Variants in TMEM8B observed in about 807,000 individuals in gnomAD.
TMEM8B encodes transmembrane protein 8B, also known as nasopharyngeal carcinoma expressed 6.
A neutral mutation model predicts 49.3 loss-of-function variants in TMEM8B; 29 were observed. The observed-to-expected ratio is 0.59, with a 90% CI of 0.44 to 0.80. TMEM8B has a LOEUF of 0.80. Among genes scored for constraint, TMEM8B ranks in the 30% least tolerant of loss-of-function variants. The probability of loss-of-function intolerance (pLI) is 0.00; values close to 1 mark genes in which losing one functional copy is unlikely to be tolerated. For synonymous variants in TMEM8B, 264 were observed against 272.8 expected, an observed-to-expected ratio of 0.97 and a Z score of 0.32; for missense variants, 575 against 658.5, an observed-to-expected ratio of 0.87 and a Z score of 1.39.
At chr9:35,849,943 G>C (rs1005036131) in intron 10 of TMEM8B, among the ~76,000 whole-genome samples, 1 of 152,214 alleles carries the variant, frequency 6.6e-6, no homozygotes, top group Non-Finnish European at 1.5e-5. Context: ...GACAGAGCTG[G>C]CATTCTGGGG....
At position 35,842,494 on chromosome 9, in the gene TMEM8B, T is replaced by C. The variant is rs138973974; in HGVS notation, c.1412T>C (p.Leu471Pro). 769 of 1,608,170 alleles carry C rather than the reference T, an allele frequency of 4.8e-4. No homozygotes were observed. The highest frequency in any genetic ancestry group is 6.0e-4 in the Non-Finnish European group (710 of 1,176,064). Reference protein sequence around the residue: ...NQPLPPEPPSLGTPAEGPGTT... With the variant: ...NQPLPPEPPSPGTPAEGPGTT... ...CCACTGCCCCCAGAACCGCCATCCC[T>C]TGGAACCCCTGCGGAGGGGCCTGGG... Residue 471 changes from leucine (L) to proline (P), a missense_variant, in exon 6 of 13, where the codon CTT (leucine) becomes CCT (proline). Transcript: ENST00000643932. The surrounding 1 kb of genome is among the most constrained non-coding windows in gnomAD (Gnocchi z 5.6).
At position 35,855,271 on chromosome 9, in the gene TMEM8B, C is replaced by T. The variant is rs1832477933; in HGVS notation, c.*1431C>T. 1 of 152,212 alleles carries T rather than the reference C, an allele frequency of 6.6e-6. No homozygotes were observed. The highest frequency in any genetic ancestry group is 1.5e-5 in the Non-Finnish European group (1 of 68,050). The allele number at this position is 152,212 out of a possible 1,614,324, so 9.4% of individuals were successfully genotyped here. The stretch of plus-strand genomic sequence containing the variant: ...ATCTATCTTGGCCTGGGGTGTGGAG[C>T]TCAGGGACTCTTCCTTTTGGGACCC... On this transcript the variant is annotated 3_prime_UTR_variant, in exon 13 of 13. Coordinates refer to ENST00000643932, the MANE Select transcript of TMEM8B (RefSeq NM_001042590.4).
At chr9:35,837,323 A>G (rs1830532014) in intron 3 of TMEM8B, among the ~76,000 whole-genome samples, 1 of 152,108 alleles carries the variant, frequency 6.6e-6, no homozygotes, top group Non-Finnish European at 1.5e-5. Context: ...TGTCGGATAT[A>G]GGAAATGTTT....
At position 35,843,955 on chromosome 9, in the gene TMEM8B, G is replaced by C. The variant is rs1382692600; in HGVS notation, c.1635+1238G>C. 1.3e-5 allele frequency among the ~76,000 whole-genome samples: 2 copies of C among 151,938 alleles called. 1 individual carries two copies. Among genetic ancestry groups the C allele is most frequent in the Non-Finnish European group, 2.9e-5 (2 of 67,986 alleles). On this transcript the variant is annotated intron_variant, in intron 6 of 12. Transcript: ENST00000643932. ...TTTTTTGTATTTTTAGTAGAGACTG[G>C]GTTTCACCATGTTGCCCAGGCTGGT...
intron 6 of TMEM8B, chr9:35,845,477 A>C: frequency 2.0e-6 from 2 of 985,436 alleles, no homozygotes; most frequent in Non-Finnish European, 2.4e-6. Context: ...CCAGGTTGCT[A>C]CATTTAATCT....
intron 1 of TMEM8B, among the ~76,000 whole-genome samples, chr9:35,831,828 C>T (rs763509052): frequency 1.3e-5 from 2 of 152,206 alleles, no homozygotes; most frequent in African/African-American, 2.4e-5. Context: ...GCAGGGCTGC[C>T]TTTAGTGCTG....
chr9:35,848,671 T>C (rs1831846703), intron 10 of TMEM8B, among the ~76,000 whole-genome samples: 1 of 127,146 alleles, frequency 7.9e-6, no homozygotes. Context: ...TCTTTGTTTT[T>C]TTTCTTTTTT....
Position 35,861,804 on chromosome 9 carries a change from G to C in TMEM8B, c.*7964G>C, listed in dbSNP as rs1230513293. On this transcript the variant is annotated 3_prime_UTR_variant, in exon 13 of 13. Coordinates refer to ENST00000643932, the MANE Select transcript of TMEM8B (RefSeq NM_001042590.4). ...GGATGGCATCCATCATCAGCTACAG[G>C]TGCCTCCTCTATCTACAGGTTCCTG... 5.3e-5 allele frequency: 8 copies of C among 152,208 alleles called. No individual in the cohort carries two copies. Among genetic ancestry groups the C allele is most frequent in the Admixed American group, 4.6e-4 (7 of 15,274 alleles). 9.4% of individuals were successfully genotyped at this position (152,208 alleles called of 1,614,324 possible).
In TMEM8B at chr9:35,846,900, A is replaced by G. The variant is rs1474703766; in HGVS notation, c.2080A>G (p.Ser694Gly). 1 of 1,614,094 alleles carries G rather than the reference A, an allele frequency of 6.2e-7. No individual in the cohort carries two copies. The highest frequency in any genetic ancestry group is 1.3e-5 in the African/African-American group (1 of 74,922). The change falls in exon 10 of 13, where the codon AGC becomes GGC. Residue 694 changes from serine (S) to glycine (G), a missense_variant. Ser to Gly is a moderately conservative substitution (Grantham distance 56). Transcript: ENST00000643932. ...QLLSTLLLCL[S>G]NLMFLPPVVL... ...GCTGTCCACACTCCTGCTCTGCCTG[A>G]GCAACCTCATGTTTCTGCCACCTGT...
chr9:35,848,915 C>T (rs1831888767), intron 10 of TMEM8B, among the ~76,000 whole-genome samples: 1 of 152,094 alleles, frequency 6.6e-6, no homozygotes, highest in African/African-American at 2.4e-5. Flanking sequence ...CCTCGTGAAC[C>T]ACCCACCTTG....
At chr9:35,845,669 T>A (rs1554683164) in intron 6 of TMEM8B, 2 of 985,440 alleles carry the variant, frequency 2.0e-6, no homozygotes, top group Middle Eastern at 5.2e-4. Flanking sequence ...ATGAGCTAGA[T>A]AGGACTGAAA....
chr9:35,849,087 A>G (rs1478234312), intron 10 of TMEM8B, among the ~76,000 whole-genome samples: 1 of 150,988 alleles, frequency 6.6e-6, no homozygotes, highest in Non-Finnish European at 1.5e-5. Flanking sequence ...ACATAAAACT[A>G]TGTTTTCTGT....
At position 35,857,760 on chromosome 9, in the gene TMEM8B, T is replaced by G. The variant is rs1306400904; in HGVS notation, c.*3920T>G. 6.6e-6 allele frequency: 1 copy of G among 152,224 alleles called. No homozygotes were observed. The highest frequency in any genetic ancestry group is 2.4e-5 in the African/African-American group (1 of 41,460). 9.4% of individuals were successfully genotyped at this position (152,224 alleles called of 1,614,324 possible). A position where few individuals can be genotyped will look rare whatever the true frequency, so the allele number is the denominator to read the frequency against. ...GCAGTTGGAGAAATCTGTGCAAAAC[T>G]GTTACTTCTGCATTTGGTGTTGGGC... On this transcript the variant is annotated 3_prime_UTR_variant, in exon 13 of 13. Transcript: ENST00000643932.
At chr9:35,849,641 C>A (rs546487958) in intron 10 of TMEM8B, among the ~76,000 whole-genome samples, 19 of 152,302 alleles carry the variant, frequency 1.2e-4, no homozygotes, top group Admixed American at 1.1e-3. Flanking sequence ...GATATTGCTC[C>A]CTTTGCACCA....
intron 3 of TMEM8B, among the ~76,000 whole-genome samples, chr9:35,839,870 C>T (rs1323607307): frequency 3.9e-5 from 6 of 152,216 alleles, no homozygotes; most frequent in Non-Finnish European, 8.8e-5. Flanking sequence ...GCTATTTTAG[C>T]ACCTAGTGTG....
Position 35,865,334 on chromosome 9 carries a change from C to G in TMEM8B, c.*11494C>G, listed in dbSNP as rs983740364. ...TAAGGTGGGAGACACCGAGTACAGG[C>G]GAGGGACTTTATTAGGTCAGGGATT... On this transcript the variant is annotated 3_prime_UTR_variant, in exon 13 of 13. Coordinates refer to ENST00000643932, the MANE Select transcript of TMEM8B (RefSeq NM_001042590.4). 3.9e-5 allele frequency: 6 copies of G among 152,140 alleles called. No homozygotes were observed. The highest frequency in any genetic ancestry group is 8.8e-5 in the Non-Finnish European group (6 of 68,026). The allele number at this position is 152,140 out of a possible 1,614,324, so 9.4% of individuals were successfully genotyped here.
intron 6 of TMEM8B, among the ~76,000 whole-genome samples, chr9:35,844,185 A>G (rs370942411): frequency 1.9e-4 from 29 of 152,182 alleles, no homozygotes; most frequent in African/African-American, 7.0e-4. Context: ...TTTTGCAGTG[A>G]ATTTTTGAAC....
In TMEM8B at chr9:35,841,432, C is replaced by T; in HGVS notation, c.1041-94C>T. On this transcript the variant is annotated intron_variant, in intron 4 of 12. Transcript: ENST00000643932. This position sits in a 1 kb window ranked among gnomAD's most constrained non-coding sequence, Gnocchi z 5.9. ...GGGAGACCTGAACAGGCCTCCTTCC[C>T]ACCCTATGCCCCCTCCTTCCTAGTG... is the stretch of plus-strand genomic sequence containing the variant. The T allele has an allele frequency of 2.4e-6, 1 of 411,058 alleles. No homozygotes were observed. The highest frequency in any genetic ancestry group is 4.4e-6 in the Non-Finnish European group (1 of 226,850). The allele number at this position is 411,058 out of a possible 1,614,324, so 25.5% of individuals were successfully genotyped here. A position where few individuals can be genotyped will look rare whatever the true frequency, so the allele number is the denominator to read the frequency against.
chr9:35,844,485 G>A (rs1489693141), intron 6 of TMEM8B, among the ~76,000 whole-genome samples: 1 of 152,242 alleles, frequency 6.6e-6, no homozygotes, highest in Non-Finnish European at 1.5e-5. Context: ...CTGGTCTGTG[G>A]CTTCATGTGG....
Sources: gnomAD v4.1 joint callset for allele counts (sites outside exome capture counted in the v4.1 genomes callset) on GRCh38, gnomAD v4.1.1 for gene constraint, Gnocchi (gnomAD v3.1) non-coding constraint, MANE v1.5 for transcripts, NCBI Gene and HGNC (gene_info 2026-07-23, HGNC 2026-07-21) for gene names.